Variants in R3HDM2 observed in about 807,000 individuals in gnomAD.
The protein encoded by R3HDM2 is R3H domain-containing protein 2.
R3HDM2 carries 38 observed loss-of-function variants against 124.5 expected under a neutral mutation model. The observed-to-expected ratio is 0.31, with a 90% CI of 0.24 to 0.40. The LOEUF is 0.40. Ranked by LOEUF, R3HDM2 falls within the 10% of genes least tolerant of loss-of-function variation. R3HDM2 has a pLI of 1.00. For synonymous variants in R3HDM2, 391 were observed against 448.0 expected (o/e 0.87, Z 1.61); for missense variants, 869 against 1,236.9 (o/e 0.70, Z 4.46).
At chr12:57,319,196 C>T (rs1203944406) in intron 2 of R3HDM2, among the ~76,000 whole-genome samples, 3 of 151,916 alleles carry the variant, frequency 2.0e-5, no homozygotes, top group Non-Finnish European at 4.4e-5. Flanking sequence ...AAGCAATTTC[C>T]GGCTAATTTT....
rs549742580 is a variant in R3HDM2, at chr12:57,430,958, G to A, written c.-344C>T. On this transcript the variant is annotated 5_prime_UTR_variant, in exon 1 of 24. Coordinates refer to ENST00000402412, the MANE Select transcript of R3HDM2 (RefSeq NM_001394031.1). ...GAAGAAAAGGGGGGAACCAAACCCG[G>A]AAAGGGAGAAAAGGGGGGAGGGGAA... The A allele has an allele frequency of 1.3e-4, 18 of 140,950 alleles. No homozygotes were observed. The East Asian group carries it at 2.8e-3, about 22-fold the overall frequency. The allele number at this position is 140,950 out of a possible 1,614,324, so 8.7% of individuals were successfully genotyped here.
intron 14 of R3HDM2, among the ~76,000 whole-genome samples, chr12:57,279,163 G>A (rs1364157403): frequency 2.2e-4 from 33 of 150,096 alleles, no homozygotes; most frequent in Non-Finnish European, 3.0e-5. Context: ...AGCTCTGCTC[G>A]GAGTATTAAG....
intron 2 of R3HDM2, among the ~76,000 whole-genome samples, chr12:57,316,348 T>C (rs2055016944): frequency 6.6e-6 from 1 of 152,146 alleles, no homozygotes; most frequent in Non-Finnish European, 1.5e-5. Context: ...TTAAACCAAT[T>C]GTGGTAATTC....
intron 21 of R3HDM2, among the ~76,000 whole-genome samples, chr12:57,257,561 T>C (rs2039434900): frequency 6.6e-6 from 1 of 152,226 alleles, no homozygotes; most frequent in South Asian, 2.1e-4. Context: ...TTTAAGTAAC[T>C]TGTTGAACAT....
In R3HDM2 at chr12:57,397,218, C is replaced by T. The variant is rs145478266; in HGVS notation, c.-105-1400G>A. On this transcript the variant is annotated intron_variant, in intron 1 of 23. Transcript: ENST00000402412. ...ATTCTGTGAATATAAGTAGGCATTA[C>T]AAGTACATAATTTAGTATCTCTTCA... Among the ~76,000 whole-genome samples the T allele has an allele frequency of 4.1e-4, 62 of 152,204 alleles. No homozygotes were observed. The East Asian group carries it at 0.012, about 29-fold the overall frequency.
intron 2 of R3HDM2, among the ~76,000 whole-genome samples, chr12:57,367,018 A>C (rs1197373710): frequency 1.3e-5 from 2 of 152,108 alleles, no homozygotes; most frequent in Non-Finnish European, 2.9e-5. Flanking sequence ...GTGACTTAGA[A>C]ATAGTTTGAT....
At chr12:57,397,820 G>C (rs1566485547) in intron 1 of R3HDM2, among the ~76,000 whole-genome samples, 2 of 152,124 alleles carry the variant, frequency 1.3e-5, no homozygotes, top group Non-Finnish European at 2.9e-5. Flanking sequence ...CTCTAATTCT[G>C]ATTAAGAGAA....
rs559928165 is a variant in R3HDM2 at position 57,427,134 on chromosome 12, T to C, written c.-106+3586A>G. On this transcript the variant is annotated intron_variant, in intron 1 of 23. Coordinates refer to ENST00000402412, the MANE Select transcript of R3HDM2 (RefSeq NM_001394031.1). ...GGTGAAACACCATCTCTACTAAAAATACAAAAATTAGTTGGACGTGGTGGC... is the reference window on the plus strand; with the variant it reads ...GGTGAAACACCATCTCTACTAAAAACACAAAAATTAGTTGGACGTGGTGGC... 4.6e-5 allele frequency among the ~76,000 whole-genome samples: 7 copies of C among 151,820 alleles called. No individual in the cohort carries two copies. In the East Asian group the frequency reaches 7.9e-4, roughly 17 times the overall value.
chr12:57,331,636 A>AT (rs1371929664), intron 2 of R3HDM2, among the ~76,000 whole-genome samples: 1 of 151,808 alleles, frequency 6.6e-6, no homozygotes, highest in Non-Finnish European at 1.5e-5. Flanking sequence ...TCTCTGTAAA[A>AT]TTTTTTTATG....
At chr12:57,408,321 A>G (rs1486887891) in intron 1 of R3HDM2, among the ~76,000 whole-genome samples, 1 of 151,858 alleles carries the variant, frequency 6.6e-6, no homozygotes, top group African/African-American at 2.4e-5. Flanking sequence ...CCCACTTCGG[A>G]CTCCCAAAGT....
intron 1 of R3HDM2, among the ~76,000 whole-genome samples, chr12:57,412,776 C>T (rs774156859): frequency 1.3e-5 from 2 of 151,312 alleles, no homozygotes; most frequent in Non-Finnish European, 2.9e-5. Context: ...GAGGCCGAGG[C>T]GGGCAGATCA....
At chr12:57,284,913 C>T (rs1407060959) in intron 12 of R3HDM2, among the ~76,000 whole-genome samples, 1 of 152,172 alleles carries the variant, frequency 6.6e-6, no homozygotes, top group Non-Finnish European at 1.5e-5. Context: ...TTATTAACAG[C>T]TGTATGCCTC....
At chr12:57,347,895 T>C (rs1312065701) in intron 2 of R3HDM2, among the ~76,000 whole-genome samples, 6 of 152,130 alleles carry the variant, frequency 3.9e-5, no homozygotes, top group Admixed American at 3.3e-4. Context: ...AAAAAACTAG[T>C]TCCTTCAAAG....
intron 2 of R3HDM2, among the ~76,000 whole-genome samples, chr12:57,318,699 A>G (rs1221695313): frequency 6.6e-6 from 1 of 152,122 alleles, no homozygotes; most frequent in African/African-American, 2.4e-5. Context: ...ACTGACAGGG[A>G]GACAGGCAAT....
intron 2 of R3HDM2, among the ~76,000 whole-genome samples, chr12:57,355,811 T>C (rs981056379): frequency 6.6e-6 from 1 of 152,248 alleles, no homozygotes; most frequent in Admixed American, 6.5e-5. Context: ...TGCATGTGTC[T>C]TGTCAAATTT....
At chr12:57,390,032 G>C (rs535905174) in intron 2 of R3HDM2, among the ~76,000 whole-genome samples, 2 of 152,046 alleles carry the variant, frequency 1.3e-5, no homozygotes, top group East Asian at 3.9e-4. Context: ...TCAAGAATTC[G>C]AGAAACAAAG....
chr12:57,394,252 G>A lies in R3HDM2; in HGVS notation c.-36+1497C>T, dbSNP rs570330667. ...GCAGAGGTTAAAGTGAGCCGAGATC[G>A]CGCCACTGCACTCCAGCCTGGGTGA... is the stretch of plus-strand genomic sequence containing the variant. On this transcript the variant is annotated intron_variant, in intron 2 of 23. Transcript: ENST00000402412. Among the ~76,000 whole-genome samples, 120 of 151,706 alleles carry A rather than the reference G, an allele frequency of 7.9e-4. 4 individuals are homozygous for A. The South Asian group carries it at 0.024, about 30-fold the overall frequency.
At chr12:57,264,070 C>T (rs1369317786) in intron 19 of R3HDM2, among the ~76,000 whole-genome samples, 2 of 151,802 alleles carry the variant, frequency 1.3e-5, no homozygotes, top group African/African-American at 2.4e-5. Flanking sequence ...TGGTGAACGC[C>T]GTCTCTACTA....
intron 2 of R3HDM2, among the ~76,000 whole-genome samples, chr12:57,340,873 C>T (rs569097305): frequency 2.0e-5 from 3 of 150,604 alleles, no homozygotes; most frequent in South Asian, 2.1e-4. Context: ...GCATGAAAAG[C>T]GACTGGAAGC....
Sources: gnomAD v4.1 joint callset for allele counts (sites outside exome capture counted in the v4.1 genomes callset) on GRCh38, gnomAD v4.1.1 for gene constraint, MANE v1.5 for transcripts, NCBI Gene and HGNC (gene_info 2026-07-23, HGNC 2026-07-21) for gene names.